PLEKHA5: variants seen among roughly 807,000 people sequenced by gnomAD.
PLEKHA5 encodes the protein pleckstrin homology domain-containing family A member 5.
In PLEKHA5, 55 loss-of-function variants were observed where a neutral mutation model predicts 181.9. The observed-to-expected ratio is 0.30, with a 90% confidence interval of 0.24 to 0.38. The LOEUF (loss-of-function observed/expected upper bound fraction) is 0.38, where lower values mean the gene tolerates loss of function less well. Among genes scored for constraint, PLEKHA5 ranks in the 10% least tolerant of loss-of-function variants. The pLI is 1.00. For synonymous variants in PLEKHA5, 535 were observed against 529.4 expected, an observed-to-expected ratio of 1.01 and a Z score of -0.15; for missense variants, 1,432 against 1,549.5, an observed-to-expected ratio of 0.92 and a Z score of 1.27.
chr12:19,201,472 T>A (rs1216942405), intron 3 of PLEKHA5: 1 of 152,062 alleles, frequency 6.6e-6, no homozygotes, highest in Admixed American at 6.6e-5. Flanking sequence ...CAAGCAATTT[T>A]ACTACGTAAG....
At chr12:19,166,157 A>G (rs894407069) in intron 3 of PLEKHA5, among the ~76,000 whole-genome samples, 1 of 152,112 alleles carries the variant, frequency 6.6e-6, no homozygotes, top group Non-Finnish European at 1.5e-5. Flanking sequence ...TTTTCAATAA[A>G]CTGTGTGTGG....
At chr12:19,244,680 G>A (rs1481165211) in intron 3 of PLEKHA5, among the ~76,000 whole-genome samples, 1 of 152,194 alleles carries the variant, frequency 6.6e-6, no homozygotes, top group Non-Finnish European at 1.5e-5. Flanking sequence ...GTACACATGT[G>A]AGTTTAGTAA....
Position 19,347,104 on chromosome 12 carries a change from T to C in PLEKHA5, c.2820T>C (p.Tyr940=). The C allele has an allele frequency of 6.5e-7, 1 of 1,550,282 alleles. No individual in the cohort carries two copies. The highest frequency in any genetic ancestry group is 8.7e-7 in the Non-Finnish European group (1 of 1,145,674). ...GTGATAGCAGCTCCTTGCTCTGTTA[T>C]AGCAGGGGCCCAGTTCATCTGCCTG... The part of the protein sequence containing the change: ...LPSDSSSLLC[Y]SRGPVHLPEE... The change falls in exon 24 of 32, where the codon TAT becomes TAC. Residue 940 remains tyrosine, a synonymous_variant. Transcript: ENST00000429027.
At position 19,129,814 on chromosome 12, in the gene PLEKHA5, G is replaced by C; in HGVS notation, c.15G>C (p.Leu5=). The C allele has an allele frequency of 6.2e-7, 1 of 1,602,506 alleles. No homozygotes were observed. The highest frequency in any genetic ancestry group is 1.1e-5 in the South Asian group (1 of 90,100). Residue 5 remains leucine, a synonymous_variant, in exon 1 of 32, where the codon CTG becomes CTC. Coordinates refer to ENST00000429027, the MANE Select transcript of PLEKHA5 (RefSeq NM_001256470.2). MAAD[L]NLEWISLPRS... is the part of the protein sequence containing the mutation. Reference sequence around the variant, plus strand: ...AGGGATCAGACATGGCGGCGGATCTGAACCTGGAGTGGATCTCCCTGCCCC... The same window carrying C: ...AGGGATCAGACATGGCGGCGGATCTCAACCTGGAGTGGATCTCCCTGCCCC...
chr12:19,236,965 T>C (rs956716592), intron 3 of PLEKHA5: 2 of 152,220 alleles, frequency 1.3e-5, no homozygotes, highest in African/African-American at 4.8e-5. Context: ...AGTTGAGTCT[T>C]ATTTTTACTC....
Position 19,266,574 on chromosome 12 carries a change from AG to A in PLEKHA5, c.711+726del, listed in dbSNP as rs1338991967. Reference sequence around the variant, plus strand: ...CGAGTTGGACAGAAAGCTTGAACCCAGGAGTTCAAGACCAGCCTGGCCAACA... The same window carrying A: ...CGAGTTGGACAGAAAGCTTGAACCCAGAGTTCAAGACCAGCCTGGCCAACA... On this transcript the variant is annotated intron_variant, in intron 8 of 31. Coordinates refer to ENST00000429027, the MANE Select transcript of PLEKHA5 (RefSeq NM_001256470.2). Among the ~76,000 whole-genome samples the A allele has an allele frequency of 2.0e-5, 3 of 152,178 alleles. 1 individual carries two copies. The highest frequency in any genetic ancestry group is 7.2e-5 in the African/African-American group (3 of 41,564).
At chr12:19,183,650 T>C (rs550391711) in intron 3 of PLEKHA5, among the ~76,000 whole-genome samples, 1 of 152,320 alleles carries the variant, frequency 6.6e-6, no homozygotes, top group African/African-American at 2.4e-5. Context: ...AGGCCATCTC[T>C]TGGTGTTTCA....
At chr12:19,368,748 G>A (rs1031775248) in intron 30 of PLEKHA5, among the ~76,000 whole-genome samples, 2 of 152,060 alleles carry the variant, frequency 1.3e-5, no homozygotes, top group African/African-American at 2.4e-5. Context: ...CCGAGATCAC[G>A]CCACTGCACT....
chr12:19,307,073 GC>G, intron 15 of PLEKHA5: 1 of 1,285,302 alleles, frequency 7.8e-7, no homozygotes, highest in Non-Finnish European at 1.1e-6. Flanking sequence ...TCAATCTGTT[GC>G]CACAGATAGT....
At chr12:19,364,054 T>C (rs1425545354) in intron 29 of PLEKHA5, among the ~76,000 whole-genome samples, 1 of 152,194 alleles carries the variant, frequency 6.6e-6, no homozygotes, top group African/African-American at 2.4e-5. Context: ...AAAAATTACT[T>C]GTTGGCCATT....
intron 12 of PLEKHA5, among the ~76,000 whole-genome samples, chr12:19,286,995 T>G: frequency 6.7e-6 from 1 of 150,014 alleles, no homozygotes; most frequent in Admixed American, 6.7e-5. Flanking sequence ...ATTACTCTGC[T>G]CATCCACATC....
intron 3 of PLEKHA5, among the ~76,000 whole-genome samples, chr12:19,250,366 C>T (rs559127591): frequency 1.3e-4 from 20 of 152,258 alleles, no homozygotes; most frequent in African/African-American, 4.3e-4. Flanking sequence ...GGGTGGATCG[C>T]GTGAGGACAG....
intron 3 of PLEKHA5, among the ~76,000 whole-genome samples, chr12:19,228,450 T>C (rs10770452): frequency 0.69 from 104,691 of 151,962 alleles, 38,207 homozygotes; most frequent in Non-Finnish European, 0.82. Context: ...TTTTTTCTGA[T>C]CTACATGTCT....
chr12:19,249,533 C>T (rs972782105), intron 3 of PLEKHA5, among the ~76,000 whole-genome samples: 8 of 152,032 alleles, frequency 5.3e-5, no homozygotes, highest in Admixed American at 2.0e-4. Flanking sequence ...TATTTTTGGG[C>T]GGCAATTGAC....
chr12:19,273,147 G>A (rs1163657587), intron 10 of PLEKHA5, among the ~76,000 whole-genome samples: 1 of 151,994 alleles, frequency 6.6e-6, no homozygotes, highest in Non-Finnish European at 1.5e-5. Context: ...GATCTTAGGT[G>A]ATCCACCCAC....
At chr12:19,136,702 G>C (rs2035755121) in intron 3 of PLEKHA5, among the ~76,000 whole-genome samples, 1 of 152,066 alleles carries the variant, frequency 6.6e-6, no homozygotes, top group Admixed American at 6.5e-5. Flanking sequence ...GCAGGACTGG[G>C]TATCAAAACA....
At chr12:19,135,538 A>G (rs2035362354) in intron 3 of PLEKHA5, among the ~76,000 whole-genome samples, 1 of 152,130 alleles carries the variant, frequency 6.6e-6, no homozygotes, top group South Asian at 2.1e-4. Context: ...TAACTATTTT[A>G]TCCTCCCTCT....
chr12:19,337,164 A>C (rs967785754), intron 21 of PLEKHA5, among the ~76,000 whole-genome samples: 2 of 151,802 alleles, frequency 1.3e-5, no homozygotes, highest in African/African-American at 2.4e-5. Context: ...GAATAGGGGA[A>C]GATACAGCAC....
At chr12:19,201,075 G>A (rs954135369) in intron 3 of PLEKHA5, 3 of 151,966 alleles carry the variant, frequency 2.0e-5, no homozygotes, top group African/African-American at 7.2e-5. Flanking sequence ...TCACAGACTG[G>A]GAGAAAGTAC....
Sources: gnomAD v4.1 joint callset for allele counts (sites outside exome capture counted in the v4.1 genomes callset) on GRCh38, gnomAD v4.1.1 for gene constraint, MANE v1.5 for transcripts, NCBI Gene and HGNC (gene_info 2026-07-23, HGNC 2026-07-21) for gene names.